CEP128: variants seen among roughly 807,000 people sequenced by gnomAD.
CEP128 encodes the protein centrosomal protein 128.
CEP128 carries 132 observed loss-of-function variants against 156.7 expected under a neutral mutation model. The observed-to-expected ratio is 0.84, with a 90% CI of 0.73 to 0.97. The LOEUF (loss-of-function observed/expected upper bound fraction) is 0.97. Ranked by LOEUF, CEP128 falls within the 50% of genes least tolerant of loss-of-function variation. CEP128 has a pLI of 0.00. For missense variants in CEP128, 1,252 were observed against 1,281.9 expected, an observed-to-expected ratio of 0.98 and a Z score of 0.36; for synonymous variants, 469 against 448.9, an observed-to-expected ratio of 1.04 and a Z score of -0.57.
At chr14:80,819,592 G>A (rs528051795) in intron 13 of CEP128, among the ~76,000 whole-genome samples, 2 of 152,184 alleles carry the variant, frequency 1.3e-5, no homozygotes, top group East Asian at 3.9e-4. Context: ...CATGAAGACA[G>A]CCTCATGACC....
In CEP128 at chr14:80,750,996, T is replaced by G. The variant is rs538495053; in HGVS notation, c.2613+5896A>C. On this transcript the variant is annotated intron_variant, in intron 18 of 24. Coordinates refer to ENST00000555265, the MANE Select transcript of CEP128 (RefSeq NM_152446.5). ...AGAGATAGCAGAACTCTCTTTCTCT[T>G]CCAGCCTCACAGAAGGAAGGTCACA... is the stretch of plus-strand genomic sequence containing the variant. Among the ~76,000 whole-genome samples, 17 of 152,216 alleles carry G rather than the reference T, an allele frequency of 1.1e-4. No individual in the cohort carries two copies. In the South Asian group the frequency reaches 3.5e-3, roughly 32 times the overall value.
intron 2 of CEP128, among the ~76,000 whole-genome samples, chr14:80,951,637 C>A (rs771821907): frequency 3.3e-5 from 5 of 151,874 alleles, no homozygotes; most frequent in Non-Finnish European, 4.4e-5. Flanking sequence ...AAACTAATAG[C>A]AAGATTATTC....
rs776484187 is a variant in CEP128 at position 80,792,790 on chromosome 14, A to C, written c.1530T>G (p.Thr510=). The C allele has an allele frequency of 6.2e-7, 1 of 1,614,132 alleles. No individual in the cohort carries two copies. Among genetic ancestry groups the C allele is most frequent in the Admixed American group, 1.7e-5 (1 of 60,008 alleles). The change falls in exon 14 of 25, where the codon ACT becomes ACG. Residue 510 remains threonine, a synonymous_variant. Transcript: ENST00000555265. The part of the protein sequence containing the change: ...LERALEKQSE[T]VDELTGKNNQ... ...TATTCTTGCCTGTCAGTTCATCAAC[A>C]GTTTCAGATTGTTTCTCCAACGCTC...
chr14:80,690,506 G>A (rs182382419), intron 19 of CEP128, among the ~76,000 whole-genome samples: 40 of 151,814 alleles, frequency 2.6e-4, no homozygotes, highest in African/African-American at 7.7e-4. Flanking sequence ...ATAGGTGCTG[G>A]CGTGGATAAA....
intron 2 of CEP128, among the ~76,000 whole-genome samples, chr14:80,919,130 T>C (rs1884715574): frequency 2.0e-5 from 3 of 152,172 alleles, no homozygotes; most frequent in African/African-American, 7.2e-5. Flanking sequence ...ATAATAGTTG[T>C]TAATGAGAAC....
At chr14:80,858,728 T>C (rs1015211645) in intron 9 of CEP128, among the ~76,000 whole-genome samples, 20 of 151,434 alleles carry the variant, frequency 1.3e-4, no homozygotes, top group Non-Finnish European at 2.4e-4. Context: ...CATCAAAAAG[T>C]GGGCGAAGGA....
chr14:80,814,242 GTCTC>G (rs202028016), intron 13 of CEP128, among the ~76,000 whole-genome samples: 1 of 151,776 alleles, frequency 6.6e-6, no homozygotes, highest in Non-Finnish European at 1.5e-5. Context: ...TTCTGCCCTC[GTCTC>G]TCTCTCTGTC....
intron 22 of CEP128, among the ~76,000 whole-genome samples, chr14:80,528,956 CTT>C (rs1309492269): frequency 3.9e-5 from 6 of 152,274 alleles, no homozygotes; most frequent in African/African-American, 1.4e-4. Flanking sequence ...TTTTTATTAA[CTT>C]GATTAAAATC....
intron 14 of CEP128, among the ~76,000 whole-genome samples, chr14:80,484,507 C>G (rs1887118077): frequency 6.6e-6 from 1 of 152,134 alleles, no homozygotes; most frequent in African/African-American, 2.4e-5. Flanking sequence ...TGGTAAAAGG[C>G]AGTATTGCTT....
chr14:80,563,524 C>CTTTTTTTTTTTTTTTTTTTTTTTTTTTTT (rs540593415), intron 20 of CEP128, among the ~76,000 whole-genome samples: 1 of 78,872 alleles, frequency 1.3e-5, no homozygotes, highest in Non-Finnish European at 2.2e-5. Flanking sequence ...GCCTCCAAAT[C>CTTTTTTTTTTTTTTTTTTTTTTTTTTTTT]TTTTTTTTTT....
chr14:80,519,366 A>ACCCAGG (rs1888632855), intron 23 of CEP128, among the ~76,000 whole-genome samples: 1 of 152,234 alleles, frequency 6.6e-6, no homozygotes, highest in Non-Finnish European at 1.5e-5. Context: ...ATTTAATGAT[A>ACCCAGG]CCCACCAAGT....
chr14:80,708,719 A>T (rs575078756), intron 19 of CEP128, among the ~76,000 whole-genome samples: 19 of 152,304 alleles, frequency 1.2e-4, no homozygotes, highest in Non-Finnish European at 8.8e-5. Flanking sequence ...GTAGTCATGT[A>T]AATTTAATCT....
intron 15 of CEP128, among the ~76,000 whole-genome samples, chr14:80,782,645 T>C (rs1293547185): frequency 1.3e-5 from 2 of 152,172 alleles, no homozygotes; most frequent in African/African-American, 4.8e-5. Context: ...ACTGGTTTCC[T>C]CCGAATCCTT....
chr14:80,492,592 A>G (rs1044349847), downstream of CEP128, among the ~76,000 whole-genome samples: 1 of 152,216 alleles, frequency 6.6e-6, no homozygotes, highest in Admixed American at 6.5e-5. Flanking sequence ...ATAGTATCTC[A>G]AGGACAAAGA....
intron 19 of CEP128, among the ~76,000 whole-genome samples, chr14:80,627,630 A>C (rs553227462): frequency 3.3e-5 from 5 of 152,314 alleles, no homozygotes; most frequent in Admixed American, 3.3e-4. Context: ...ACATAAGAGA[A>C]ATATTTAGAA....
chr14:80,591,167 T>C (rs950129198), intron 19 of CEP128, among the ~76,000 whole-genome samples: 9 of 152,100 alleles, frequency 5.9e-5, no homozygotes, highest in African/African-American at 2.2e-4. Context: ...ATATTAACCT[T>C]AAATGTAAAT....
chr14:80,791,339 C>T (rs140753153), intron 14 of CEP128, among the ~76,000 whole-genome samples: 49 of 152,130 alleles, frequency 3.2e-4, no homozygotes, highest in Non-Finnish European at 6.3e-4. Flanking sequence ...ATTAGTAATG[C>T]TAAGTGATAA....
chr14:80,801,317 T>C (rs1455475691), intron 13 of CEP128, among the ~76,000 whole-genome samples: 1 of 152,128 alleles, frequency 6.6e-6, no homozygotes, highest in East Asian at 1.9e-4. Context: ...CTTGTACCGG[T>C]TTTCAAAGGG....
At chr14:80,894,473 G>A (rs916022826) in intron 8 of CEP128, 3 of 375,188 alleles carry the variant, frequency 8.0e-6, no homozygotes, top group Non-Finnish European at 1.5e-5. Context: ...AGTATGTGAT[G>A]TTTTAGATAT....
Sources: gnomAD v4.1 joint callset for allele counts (sites outside exome capture counted in the v4.1 genomes callset) on GRCh38, gnomAD v4.1.1 for gene constraint, MANE v1.5 for transcripts, NCBI Gene and HGNC (gene_info 2026-07-23, HGNC 2026-07-21) for gene names.